The following HHAT variants were observed in gnomAD, a reference collection of about 807,000 sequenced individuals.
HHAT encodes protein-cysteine N-palmitoyltransferase HHAT.
In HHAT, 47 loss-of-function variants were observed where a neutral mutation model predicts 70.8. The observed-to-expected ratio is 0.66, with a 90% CI of 0.53 to 0.85. The LOEUF (loss-of-function observed/expected upper bound fraction) is 0.85. HHAT is among the 40% of genes least tolerant of loss of function. The pLI, the probability that HHAT is intolerant of heterozygous loss-of-function variation, is 0.00. For missense variants in HHAT, 609 were observed against 604.8 expected (o/e 1.01, Z -0.07); for synonymous variants, 228 against 247.6 (o/e 0.92, Z 0.74).
At chr1:210,398,058 G>A (rs1454848678) in intron 4 of HHAT, among the ~76,000 whole-genome samples, 1 of 152,246 alleles carries the variant, frequency 6.6e-6, no homozygotes, top group Admixed American at 6.5e-5. Flanking sequence ...GAGCGCAATG[G>A]CGCGATCTTG....
At chr1:210,633,438 C>T (rs939523618) in intron 11 of HHAT, among the ~76,000 whole-genome samples, 15 of 152,188 alleles carry the variant, frequency 9.9e-5, no homozygotes, top group African/African-American at 3.4e-4. Context: ...CAAGGAAAGC[C>T]AGCCTTCTGG....
intron 7 of HHAT, among the ~76,000 whole-genome samples, chr1:210,434,942 T>C (rs1054996513): frequency 1.3e-5 from 2 of 151,982 alleles, no homozygotes; most frequent in Non-Finnish European, 1.5e-5. Flanking sequence ...TCAGAGTAAT[T>C]GAGATCTCCA....
intron 1 of HHAT, among the ~76,000 whole-genome samples, chr1:210,345,271 C>T (rs1182744477): frequency 6.6e-6 from 1 of 151,960 alleles, no homozygotes; most frequent in Non-Finnish European, 1.5e-5. Context: ...TAAATTGGAA[C>T]AAGTGGGGTG....
intron 11 of HHAT, among the ~76,000 whole-genome samples, chr1:210,664,129 A>G: frequency 6.6e-6 from 1 of 152,234 alleles, no homozygotes. Flanking sequence ...AGCCTGAGGC[A>G]GCTTTGCTGT....
chr1:210,425,857 A>T (rs569972216), intron 7 of HHAT, among the ~76,000 whole-genome samples: 10 of 152,052 alleles, frequency 6.6e-5, no homozygotes, highest in African/African-American at 9.6e-5. Flanking sequence ...TTTTAAAATA[A>T]TTTTTTTCTA....
At position 210,362,871 on chromosome 1, in the gene HHAT, C is replaced by A. The variant is rs1241555812; in HGVS notation, c.111C>A (p.Asp37Glu). ...GGTCAGAACACGAAGAGGAGCTGGA[C>A]CAGGAATTTGAGCTGGAGACTGACA... ...KVSREHEEEL[D>E]QEFELETDTL... is the part of the protein sequence containing the mutation. The change falls in exon 3 of 12, where the codon GAC becomes GAA. Residue 37 changes from aspartate to glutamate, a missense_variant. Transcript: ENST00000261458. 5 of 1,613,500 alleles carry A rather than the reference C, an allele frequency of 3.1e-6. No homozygotes were observed. Among genetic ancestry groups the A allele is most frequent in the Admixed American group, 1.7e-5 (1 of 59,976 alleles).
intron 8 of HHAT, among the ~76,000 whole-genome samples, chr1:210,484,963 A>G (rs575003883): frequency 1.3e-5 from 2 of 152,102 alleles, no homozygotes; most frequent in Non-Finnish European, 2.9e-5. Flanking sequence ...TAAAGTATCC[A>G]TACATAAATT....
intron 8 of HHAT, among the ~76,000 whole-genome samples, chr1:210,496,087 T>G (rs1397091538): frequency 2.7e-5 from 4 of 150,842 alleles, no homozygotes; most frequent in African/African-American, 7.3e-5. Context: ...GAGTAAAGTT[T>G]TTTTTTTTTT....
At chr1:210,410,474 T>C (rs527869510) in intron 6 of HHAT, among the ~76,000 whole-genome samples, 3 of 144,866 alleles carry the variant, frequency 2.1e-5, no homozygotes, top group Non-Finnish European at 3.0e-5. Context: ...TAAAAGCAAA[T>C]AGAATGAAAG....
chr1:210,609,000 G>A (rs4579826), intron 10 of HHAT, among the ~76,000 whole-genome samples: 125,486 of 152,036 alleles, frequency 0.83, 53,363 homozygotes, highest in East Asian at 0.99. Flanking sequence ...TTATAAAACC[G>A]TCAGAGCTCA....
chr1:210,451,376 T>G (rs1489045640), intron 7 of HHAT, among the ~76,000 whole-genome samples: 3 of 152,228 alleles, frequency 2.0e-5, no homozygotes, highest in Non-Finnish European at 4.4e-5. Context: ...AACTCAGTGA[T>G]GAATGTCAGA....
intron 7 of HHAT, among the ~76,000 whole-genome samples, chr1:210,450,167 T>C (rs1341972901): frequency 6.6e-6 from 1 of 151,942 alleles, no homozygotes; most frequent in Non-Finnish European, 1.5e-5. Flanking sequence ...GGTGGACGCC[T>C]GTAATTCCAG....
In HHAT at chr1:210,674,398, A is replaced by T. The variant is rs4366378; in HGVS notation, c.*19A>T. ...GGACTAATGCTGTTGGGCCCAGGCC[A>T]GTCCTTGTTGCTGGCCTCCAAGGCA... On this transcript the variant is annotated 3_prime_UTR_variant, in exon 12 of 12. Transcript: ENST00000261458. 3.1e-6 allele frequency: 5 copies of T among 1,603,870 alleles called. No individual in the cohort carries two copies. The highest frequency in any genetic ancestry group is 2.7e-5 in the African/African-American group (2 of 74,764).
chr1:210,505,002 G>A (rs1042992342), intron 8 of HHAT, among the ~76,000 whole-genome samples: 3 of 150,244 alleles, frequency 2.0e-5, no homozygotes, highest in Non-Finnish European at 2.9e-5. Flanking sequence ...GGGTTCAAGC[G>A]ATTGTCCTGC....
intron 4 of HHAT, 32 bp from the exon 5 acceptor site, chr1:210,400,436 G>A (rs200714402): frequency 6.4e-7 from 1 of 1,563,286 alleles, no homozygotes; most frequent in East Asian, 2.3e-5. Context: ...CTTCCTCCCT[G>A]TCTCTCTCTG....
At chr1:210,522,220 T>C (rs1387749878) in intron 9 of HHAT, among the ~76,000 whole-genome samples, 1 of 152,160 alleles carries the variant, frequency 6.6e-6, no homozygotes, top group African/African-American at 2.4e-5. Context: ...CATCTTTTAG[T>C]GGCATCCAGA....
intron 11 of HHAT, among the ~76,000 whole-genome samples, chr1:210,662,527 G>A (rs1477521807): frequency 1.3e-5 from 2 of 152,208 alleles, no homozygotes; most frequent in Admixed American, 1.3e-4. Context: ...TTAAAGAAGA[G>A]AAACAGCTGG....
At chr1:210,595,848 T>A (rs1340121199) in intron 10 of HHAT, among the ~76,000 whole-genome samples, 4 of 152,176 alleles carry the variant, frequency 2.6e-5, no homozygotes, top group Non-Finnish European at 5.9e-5. Context: ...GTTTGAGTTC[T>A]TTGTAGATTC....
At chr1:210,442,076 C>A (rs190800001) in intron 7 of HHAT, among the ~76,000 whole-genome samples, 1 of 146,698 alleles carries the variant, frequency 6.8e-6, no homozygotes, top group Admixed American at 7.0e-5. Flanking sequence ...GTTCAGTTCC[C>A]ACCTACGAGT....
Sources: allele counts gnomAD v4.1 joint callset (sites outside exome capture counted in the v4.1 genomes callset), GRCh38; gene constraint gnomAD v4.1.1; transcripts MANE v1.5; gene names NCBI Gene and HGNC (gene_info 2026-07-23, HGNC 2026-07-21).